RAB7A: variants seen among roughly 807,000 people sequenced by gnomAD.
RAB7A encodes the protein ras-related protein Rab-7a.
RAB7A carries 2 observed loss-of-function variants against 24.5 expected under a neutral mutation model. The ratio of observed to expected loss-of-function variants is 0.08; its 90% CI spans 0.03 to 0.26. The LOEUF (loss-of-function observed/expected upper bound fraction) is 0.26, where lower values mean the gene tolerates loss of function less well. Ranked by LOEUF, RAB7A falls within the 10% of genes least tolerant of loss-of-function variation. RAB7A has a pLI of 1.00. For synonymous variants in RAB7A, 100 were observed against 95.9 expected (o/e 1.04, Z -0.25); for missense variants, 118 against 255.7 (o/e 0.46, Z 3.67).
chr3:128,728,790 C>T (rs989187264), intron 1 of RAB7A, among the ~76,000 whole-genome samples: 2 of 152,128 alleles, frequency 1.3e-5, no homozygotes, highest in African/African-American at 4.8e-5. Context: ...TTTGTTCACT[C>T]AAGAGGTAGT....
chr3:128,755,061 C>A (rs1308429683), intron 1 of RAB7A, among the ~76,000 whole-genome samples: 1 of 152,126 alleles, frequency 6.6e-6, no homozygotes, highest in African/African-American at 2.4e-5. Context: ...CAGAATGCAT[C>A]TTCTTCTTAA....
Position 128,741,534 on chromosome 3 carries a change from T to A in RAB7A, c.-9+15175T>A, listed in dbSNP as rs549373367. 7.9e-5 allele frequency among the ~76,000 whole-genome samples: 12 copies of A among 152,302 alleles called. No homozygotes were observed. In the South Asian group the frequency reaches 1.7e-3, roughly 21 times the overall value. ...TATTTCCTACTTCCATGTCTTTTTT[T>A]ATTTTTATTTTAAATAGATTTATTT... On this transcript the variant is annotated intron_variant, in intron 1 of 5. Transcript: ENST00000265062.
chr3:128,734,627 C>A (rs1469106981), intron 1 of RAB7A, among the ~76,000 whole-genome samples: 1 of 149,538 alleles, frequency 6.7e-6, no homozygotes, highest in South Asian at 2.1e-4. Context: ...GGGTGTAGAT[C>A]TAACCATAGT....
intron 1 of RAB7A, among the ~76,000 whole-genome samples, chr3:128,746,431 C>T (rs2070616070): frequency 6.6e-6 from 1 of 152,110 alleles, no homozygotes. Flanking sequence ...CACTGTCACA[C>T]CTGTTTACTT....
intron 1 of RAB7A, among the ~76,000 whole-genome samples, chr3:128,773,192 C>G (rs1384134202): frequency 1.3e-5 from 2 of 152,068 alleles, no homozygotes; most frequent in African/African-American, 4.8e-5. Context: ...GGGAGCGCCT[C>G]TGCCCGGCCG....
intron 1 of RAB7A, chr3:128,764,892 A>G (rs1398815770): frequency 4.8e-6 from 7 of 1,470,934 alleles, no homozygotes; most frequent in Non-Finnish European, 6.6e-6. Flanking sequence ...CATCGCGGTC[A>G]AAGTTGTAAG....
intron 1 of RAB7A, among the ~76,000 whole-genome samples, chr3:128,752,412 AAAG>A (rs756554708): frequency 1.1e-4 from 16 of 152,106 alleles, no homozygotes; most frequent in Non-Finnish European, 1.8e-4. Context: ...GAGAAAATAA[AAAG>A]AAAAAATAAT....
At chr3:128,776,683 G>C (rs1317071533) in intron 1 of RAB7A, among the ~76,000 whole-genome samples, 1 of 152,140 alleles carries the variant, frequency 6.6e-6, no homozygotes, top group Non-Finnish European at 1.5e-5. Context: ...TGTGAGTGCA[G>C]ATCTCTTCCA....
At chr3:128,727,386 C>T (rs2107579421) in intron 1 of RAB7A, among the ~76,000 whole-genome samples, 1 of 151,628 alleles carries the variant, frequency 6.6e-6, no homozygotes, top group South Asian at 2.1e-4. Context: ...TCACGTACCC[C>T]TGAAGCTTGC....
At chr3:128,799,787 C>T (rs998495826) in intron 3 of RAB7A, among the ~76,000 whole-genome samples, 1 of 152,198 alleles carries the variant, frequency 6.6e-6, no homozygotes, top group Admixed American at 6.5e-5. Flanking sequence ...TCCACATGTA[C>T]AGAAATCTTT....
Position 128,797,976 on chromosome 3 carries a change from G to A in RAB7A, c.87G>A (p.Val29=), listed in dbSNP as rs145441548. 4.0e-4 allele frequency: 649 copies of A among 1,613,806 alleles called. 5 individuals carry two copies. In the East Asian group the frequency reaches 8.1e-3, roughly 20 times the overall value. The change falls in exon 3 of 6, where the codon GTG becomes GTA. Residue 29 remains valine (V), a synonymous_variant. Transcript: ENST00000265062. The part of the protein sequence containing the change: ...VGKTSLMNQY[V]NKKFSNQYKA... ...AGACATCACTCATGAACCAGTATGT[G>A]AATAAGAAATTCAGCAATCAGTACA...
intron 3 of RAB7A, among the ~76,000 whole-genome samples, chr3:128,800,217 A>G (rs145663885): frequency 1.3e-4 from 20 of 152,366 alleles, no homozygotes; most frequent in African/African-American, 4.1e-4. Flanking sequence ...TAAAGGAACA[A>G]CAGACTGACA....
At chr3:128,775,346 G>T (rs940521190) in intron 1 of RAB7A, among the ~76,000 whole-genome samples, 1 of 152,114 alleles carries the variant, frequency 6.6e-6, no homozygotes, top group South Asian at 2.1e-4. Flanking sequence ...TCTGTCTTCC[G>T]TTAGTCTCCA....
chr3:128,768,548 G>GTTT (rs1559787645), intron 1 of RAB7A, among the ~76,000 whole-genome samples: 1 of 151,944 alleles, frequency 6.6e-6, no homozygotes, highest in Non-Finnish European at 1.5e-5. Flanking sequence ...TAAAGTGTGC[G>GTTT]TGTTTTGTTT....
At chr3:128,761,368 A>AC (rs1229352373) in intron 1 of RAB7A, among the ~76,000 whole-genome samples, 2 of 151,808 alleles carry the variant, frequency 1.3e-5, no homozygotes, top group South Asian at 2.1e-4. Context: ...AGTCCTCTAT[A>AC]CCCCCCCATC....
chr3:128,774,313 G>T (rs1449837667), intron 1 of RAB7A, among the ~76,000 whole-genome samples: 1 of 151,490 alleles, frequency 6.6e-6, no homozygotes. Context: ...AGAGATAAAT[G>T]CTATATGGCC....
Position 128,737,825 on chromosome 3 carries a change from G to GTTTTTTTTTTTTTTTT in RAB7A, c.-9+11483_-9+11498dup, listed in dbSNP as rs56027163. Among the ~76,000 whole-genome samples, 4 of 59,488 alleles carry GTTTTTTTTTTTTTTTT rather than the reference G, an allele frequency of 6.7e-5. 1 individual carries two copies. Among genetic ancestry groups the GTTTTTTTTTTTTTTTT allele is most frequent in the Non-Finnish European group, 9.0e-5 (3 of 33,402 alleles). 39.0% of individuals were successfully genotyped at this position (59,488 alleles called of 152,430 possible). ...CACCACATCTGGCTATTTTTTTGTA[G>GTTTTTTTTTTTTTTTT]TTTTTTTTTTTTTTTTTTTTTTTTT... On this transcript the variant is annotated intron_variant, in intron 1 of 5. Coordinates refer to ENST00000265062, the MANE Select transcript of RAB7A (RefSeq NM_004637.6).
At chr3:128,782,860 T>A (rs568411962) in intron 1 of RAB7A, among the ~76,000 whole-genome samples, 8 of 152,210 alleles carry the variant, frequency 5.3e-5, no homozygotes, top group African/African-American at 1.9e-4. Context: ...TTCAGAGAAT[T>A]CTCCTTGGCC....
intron 1 of RAB7A, chr3:128,749,297 A>T (rs2070652121): frequency 6.6e-6 from 1 of 152,180 alleles, no homozygotes; most frequent in Non-Finnish European, 1.5e-5. Flanking sequence ...GAGTTTGCTG[A>T]TATTGGAGTG....
Sources: gnomAD v4.1 joint callset for allele counts (sites outside exome capture counted in the v4.1 genomes callset) on GRCh38, gnomAD v4.1.1 for gene constraint, MANE v1.5 for transcripts, NCBI Gene and HGNC (gene_info 2026-07-23, HGNC 2026-07-21) for gene names.